Variants in CTNNA3 observed in about 807,000 individuals in gnomAD.
CTNNA3 encodes catenin alpha-3.
A neutral mutation model predicts 95.7 loss-of-function variants in CTNNA3; 76 were observed. The observed-to-expected ratio is 0.79, with a 90% CI of 0.66 to 0.96. The LOEUF (loss-of-function observed/expected upper bound fraction) is 0.96. Among genes scored for constraint, CTNNA3 ranks in the 40% least tolerant of loss-of-function variants. The probability of loss-of-function intolerance (pLI) is 0.00; values close to 1 mark genes in which losing one functional copy is unlikely to be tolerated. For synonymous variants in CTNNA3, 431 were observed against 374.4 expected, an observed-to-expected ratio of 1.15 and a Z score of -1.74; for missense variants, 1,191 against 1,089.8, an observed-to-expected ratio of 1.09 and a Z score of -1.31.
chr10:66,087,962 C>A (rs893081051), intron 14 of CTNNA3, among the ~76,000 whole-genome samples: 26 of 151,950 alleles, frequency 1.7e-4, no homozygotes, highest in African/African-American at 6.3e-4. Flanking sequence ...ATGTATGCTT[C>A]ATTAAATATT....
intron 5 of CTNNA3, among the ~76,000 whole-genome samples, chr10:67,520,027 G>A (rs919304509): frequency 1.3e-5 from 2 of 152,034 alleles, no homozygotes; most frequent in Admixed American, 6.6e-5. Context: ...CCAGTTTCAC[G>A]CCTTATTAGC....
chr10:67,371,930 G>A (rs1344368372), intron 5 of CTNNA3, among the ~76,000 whole-genome samples: 1 of 152,188 alleles, frequency 6.6e-6, no homozygotes, highest in African/African-American at 2.4e-5. Flanking sequence ...TCTAACTGGT[G>A]TGAGATGGTA....
intron 7 of CTNNA3, among the ~76,000 whole-genome samples, chr10:66,913,974 G>A (rs1181690626): frequency 6.6e-6 from 1 of 152,138 alleles, no homozygotes; most frequent in East Asian, 1.9e-4. Context: ...CAGAACACTG[G>A]TAGCAGGTGT....
At chr10:67,310,206 G>A (rs1840730744) in intron 5 of CTNNA3, among the ~76,000 whole-genome samples, 1 of 152,132 alleles carries the variant, frequency 6.6e-6, no homozygotes, top group African/African-American at 2.4e-5. Flanking sequence ...TGTTCTCCTA[G>A]TCTATTTTAC....
intron 15 of CTNNA3, among the ~76,000 whole-genome samples, chr10:65,994,523 T>C (rs548218307): frequency 6.6e-6 from 1 of 152,220 alleles, no homozygotes; most frequent in Admixed American, 6.5e-5. Context: ...CTGCTGTTAG[T>C]TTTAATAAGG....
chr10:67,066,381 C>T (rs1856084532), intron 7 of CTNNA3, among the ~76,000 whole-genome samples: 1 of 151,962 alleles, frequency 6.6e-6, no homozygotes, highest in African/African-American at 2.4e-5. Flanking sequence ...TTAGTAGAGA[C>T]AGGGTTGCAC....
At position 66,618,884 on chromosome 10, in the gene CTNNA3, T is replaced by C. The variant is rs1171574309; in HGVS notation, c.1374+2808A>G. 2.6e-5 allele frequency among the ~76,000 whole-genome samples: 4 copies of C among 151,656 alleles called. No individual in the cohort carries two copies. The East Asian group carries it at 5.8e-4, about 22-fold the overall frequency. On this transcript the variant is annotated intron_variant, in intron 10 of 17. Coordinates refer to ENST00000433211, the MANE Select transcript of CTNNA3 (RefSeq NM_013266.4). ...TACAAGAAAAAAACAAACAACCCCA[T>C]CAAAAAGTGGGCGAAGGATATGAAC...
chr10:67,725,715 C>T (rs960396532), intron 1 of CTNNA3, among the ~76,000 whole-genome samples: 1 of 151,562 alleles, frequency 6.6e-6, no homozygotes, highest in Non-Finnish European at 1.5e-5. Flanking sequence ...AGGAGAAGAG[C>T]TTATGCCAAA....
At chr10:66,274,109 T>TA (rs2091340565) in intron 13 of CTNNA3, among the ~76,000 whole-genome samples, 1 of 152,152 alleles carries the variant, frequency 6.6e-6, no homozygotes, top group South Asian at 2.1e-4. Flanking sequence ...ACTTTTTCTG[T>TA]AAAGGGTCAG....
chr10:66,346,242 T>TAGAGAGAGAG (rs1347078009), intron 12 of CTNNA3, among the ~76,000 whole-genome samples: 2 of 8,866 alleles, frequency 2.3e-4, no homozygotes, highest in Admixed American at 1.3e-3. Flanking sequence ...TATATATATA[T>TAGAGAGAGAG]ATATAGAGAG....
chr10:66,108,740 T>G (rs1285188364), intron 13 of CTNNA3, among the ~76,000 whole-genome samples: 1 of 152,176 alleles, frequency 6.6e-6, no homozygotes, highest in Non-Finnish European at 1.5e-5. Flanking sequence ...ATTTTTCTAT[T>G]TCTTAGCTGA....
At chr10:67,049,449 T>C (rs1389432291) in intron 7 of CTNNA3, among the ~76,000 whole-genome samples, 1 of 152,182 alleles carries the variant, frequency 6.6e-6, no homozygotes, top group Non-Finnish European at 1.5e-5. Flanking sequence ...TATTCTATAA[T>C]CTAAATATAT....
chr10:66,848,716 T>C (rs980681474), intron 7 of CTNNA3, among the ~76,000 whole-genome samples: 4 of 152,186 alleles, frequency 2.6e-5, no homozygotes, highest in South Asian at 4.1e-4. Flanking sequence ...TGAAGATACA[T>C]TTGAAATTTA....
chr10:66,929,545 G>A (rs1276865175), intron 7 of CTNNA3, among the ~76,000 whole-genome samples: 1 of 152,098 alleles, frequency 6.6e-6, no homozygotes, highest in East Asian at 1.9e-4. Context: ...TCCAAGACGT[G>A]CCTTCCACCC....
intron 6 of CTNNA3, among the ~76,000 whole-genome samples, chr10:67,192,987 G>A (rs561607590): frequency 1.3e-4 from 20 of 152,096 alleles, no homozygotes; most frequent in African/African-American, 4.6e-4. Flanking sequence ...ATTTTGCTAA[G>A]TGAAATAAGC....
chr10:67,223,286 TGTGGTAGTG>T (rs1483562047), intron 5 of CTNNA3, among the ~76,000 whole-genome samples: 1 of 152,204 alleles, frequency 6.6e-6, no homozygotes, highest in Non-Finnish European at 1.5e-5. Flanking sequence ...AAATGTATGT[TGTGGTAGTG>T]GTGTTTGTAG....
chr10:67,531,597 G>A (rs1477493530), intron 4 of CTNNA3, among the ~76,000 whole-genome samples: 2 of 152,176 alleles, frequency 1.3e-5, no homozygotes, highest in African/African-American at 2.4e-5. Context: ...CAAGCTCATA[G>A]GCAGAAGAGA....
At chr10:65,932,868 C>T (rs2077276561) in intron 17 of CTNNA3, among the ~76,000 whole-genome samples, 1 of 152,032 alleles carries the variant, frequency 6.6e-6, no homozygotes, top group Non-Finnish European at 1.5e-5. Context: ...TTCTCTTGTC[C>T]TCCAGAAACA....
rs529180936 is a variant in CTNNA3 at position 67,718,680 on chromosome 10, T to G, written c.-2+44754A>C. On this transcript the variant is annotated intron_variant, in intron 1 of 17. Transcript: ENST00000684154. ...GCCCACTTGATTGTGGTAGATAAGCTTTTTGATGTGCTGCTGGATTTGGTT... is the reference window on the plus strand; with the variant it reads ...GCCCACTTGATTGTGGTAGATAAGCGTTTTGATGTGCTGCTGGATTTGGTT... Among the ~76,000 whole-genome samples the G allele has an allele frequency of 2.0e-5, 3 of 152,288 alleles. No individual in the cohort carries two copies. In the East Asian group the frequency reaches 5.8e-4, roughly 29 times the overall value.
Sources: gnomAD v4.1 joint callset for allele counts (sites outside exome capture counted in the v4.1 genomes callset) on GRCh38, gnomAD v4.1.1 for gene constraint, MANE v1.5 for transcripts, NCBI Gene and HGNC (gene_info 2026-07-23, HGNC 2026-07-21) for gene names.